Variants in CHAT observed in about 807,000 individuals in gnomAD.
CHAT encodes the protein acetyl CoA:choline O-acetyltransferase.
Under a neutral mutation model 76.9 loss-of-function variants are expected in CHAT, and 61 were observed. The ratio of observed to expected loss-of-function variants is 0.79; its 90% CI spans 0.65 to 0.98. The LOEUF (loss-of-function observed/expected upper bound fraction) is 0.98. CHAT is among the 50% of genes least tolerant of loss of function. CHAT has a pLI of 0.00. For missense variants in CHAT, 946 were observed against 986.9 expected (o/e 0.96, Z 0.56); for synonymous variants, 407 against 397.4 (o/e 1.02, Z -0.29).
At chr10:49,654,640 C>T (rs1839977704) in intron 11 of CHAT, among the ~76,000 whole-genome samples, 1 of 152,220 alleles carries the variant, frequency 6.6e-6, no homozygotes, top group Non-Finnish European at 1.5e-5. Context: ...CCTGGACAGC[C>T]GTTTACGCTT....
intron 7 of CHAT, among the ~76,000 whole-genome samples, chr10:49,631,913 G>A (rs1458670851): frequency 6.6e-6 from 1 of 151,730 alleles, no homozygotes; most frequent in East Asian, 1.9e-4. Context: ...ATTCATGATG[G>A]GGACCTAGGA....
chr10:49,655,257 C>A, intron 12 of CHAT, 21 bp downstream of exon 12: 1 of 1,614,004 alleles, frequency 6.2e-7, no homozygotes, highest in Non-Finnish European at 8.5e-7. Context: ...CCCCACCCCA[C>A]GGCCACAGGA....
chr10:49,613,022 C>G (rs764247733), upstream of CHAT: 1 of 152,442 alleles, frequency 6.6e-6, no homozygotes, highest in Non-Finnish European at 1.5e-5. Flanking sequence ...CAGCTAGGCA[C>G]GCCAGGCCCC....
chr10:49,649,566 C>T lies in CHAT; in HGVS notation c.1441C>T (p.Arg481Trp), dbSNP rs751583653. 17 of 1,613,798 alleles carry T rather than the reference C, an allele frequency of 1.1e-5. No individual in the cohort carries two copies. The highest frequency in any genetic ancestry group is 5.0e-5 in the Admixed American group (3 of 60,008). The change falls in exon 10 of 15, where the codon CGG becomes TGG. Residue 481 changes from arginine to tryptophan, a missense_variant. By Grantham distance (101) the Arg-to-Trp change is moderately radical (BLOSUM62 -3). Coordinates refer to ENST00000337653, the MANE Select transcript of CHAT (RefSeq NM_020549.5). Reference sequence around the variant, plus strand: ...CTCCGTCAGCGAGCTCCCCGCCCCCCGGAGGCTGCGGTGGAAATGCTCCCC... The same window carrying T: ...CTCCGTCAGCGAGCTCCCCGCCCCCTGGAGGCTGCGGTGGAAATGCTCCCC... Reference protein sequence around the residue: ...ADSVSELPAPRRLRWKCSPEI... With the variant: ...ADSVSELPAPWRLRWKCSPEI...
rs779724822 is a variant in CHAT, at chr10:49,646,623, C to A, written c.1230C>A (p.Gly410=). 4 of 1,614,082 alleles carry A rather than the reference C, an allele frequency of 2.5e-6. No homozygotes were observed. In the Admixed American group the frequency reaches 6.7e-5, roughly 27 times the overall value. The change falls in exon 8 of 15, where the codon GGC becomes GGA. Residue 410 remains glycine (G), a synonymous_variant. Transcript: ENST00000337653. ...ACAGGGCACTCCAGCTCCTTCACGG[C>A]GGAGGCTACAGCAAGAACGGGGCCA... The part of the protein sequence containing the change: ...DTHRALQLLH[G]GGYSKNGANR...
At chr10:49,627,006 C>T (rs1422110469) in intron 6 of CHAT, among the ~76,000 whole-genome samples, 1 of 152,206 alleles carries the variant, frequency 6.6e-6, no homozygotes, top group African/African-American at 2.4e-5. Context: ...TTTTTTTCCT[C>T]CACTCACCAG....
In CHAT at chr10:49,614,440, C is replaced by A; in HGVS notation, c.251C>A (p.Ala84Glu). The change falls in exon 1 of 15, where the codon GCA (alanine) becomes GAA (glutamate). Residue 84 changes from alanine (A) to glutamate (E), a missense_variant. Ala to Glu is a moderately radical substitution (Grantham distance 107). Around this residue, in one of 3 missense-constraint regions of CHAT, gnomAD observed 548 missense variants for 516.2 expected, o/e 1.06. Coordinates refer to ENST00000337653, the MANE Select transcript of CHAT (RefSeq NM_020549.5). ...TPAHTPEWCG[A>E]ASAEAAEPRR... ...GCCCACACTCCTGAGTGGTGCGGTGCAGCGTCGGCCGAGGCAGCAGAGCCG... is the reference window on the plus strand; with the variant it reads ...GCCCACACTCCTGAGTGGTGCGGTGAAGCGTCGGCCGAGGCAGCAGAGCCG... The A allele has an allele frequency of 6.5e-7, 1 of 1,547,778 alleles. No individual in the cohort carries two copies. The highest frequency in any genetic ancestry group is 2.4e-5 in the East Asian group (1 of 40,968).
chr10:49,635,893 C>T (rs1839279380), intron 7 of CHAT, among the ~76,000 whole-genome samples: 1 of 152,108 alleles, frequency 6.6e-6, no homozygotes, highest in Admixed American at 6.5e-5. Context: ...TCTTACCACT[C>T]TGTTTAACAC....
chr10:49,649,665 G>C, intron 10 of CHAT, 29 bp downstream of exon 10: 5 of 1,612,990 alleles, frequency 3.1e-6, no homozygotes, highest in Non-Finnish European at 4.2e-6. Flanking sequence ...TCCTTTGAGG[G>C]GTCCCCTAGG....
chr10:49,661,174 C>A (rs545958381), intron 13 of CHAT: 1 of 152,286 alleles, frequency 6.6e-6, no homozygotes, highest in South Asian at 2.1e-4. Flanking sequence ...GAATGAAAGA[C>A]TGAATTATAA....
rs190152837 is a variant in CHAT at position 49,623,203 on chromosome 10, G to A, written c.752+1053G>A. ...CCAGAACTCGCCCCTCCAGCTCACC[G>A]TCCTGTCTGTTTTCAAACACCATTG... On this transcript the variant is annotated intron_variant, in intron 5 of 14. Coordinates refer to ENST00000337653, the MANE Select transcript of CHAT (RefSeq NM_020549.5). 3.3e-4 allele frequency among the ~76,000 whole-genome samples: 50 copies of A among 152,184 alleles called. No homozygotes were observed. The South Asian group carries it at 4.6e-3, about 14-fold the overall frequency.
chr10:49,655,557 C>G (rs1840010086), intron 13 of CHAT, 109 bp downstream of exon 13: 6 of 1,041,918 alleles, frequency 5.8e-6, no homozygotes, highest in Non-Finnish European at 7.5e-6. Context: ...CCACCTGTTA[C>G]TCGGGGACTT....
At position 49,651,623 on chromosome 10, in the gene CHAT, C is replaced by A. The variant is rs191911441; in HGVS notation, c.1512-261C>A. 2,189 of 473,608 alleles carry A rather than the reference C, an allele frequency of 4.6e-3. 10 individuals carry two copies. The highest frequency in any genetic ancestry group is 6.3e-3 in the Non-Finnish European group (1,636 of 258,420). 29.3% of individuals were successfully genotyped at this position (473,608 alleles called of 1,614,324 possible). A position where few individuals can be genotyped will look rare whatever the true frequency, so the allele number is the denominator to read the frequency against. ...TAACACAGCCAGGCCCACCTCCCCA[C>A]CCACTCTCCAGAGCAGGGCCGACAC... On this transcript the variant is annotated intron_variant, in intron 10 of 14. Coordinates refer to ENST00000337653, the MANE Select transcript of CHAT (RefSeq NM_020549.5).
chr10:49,628,262 T>G lies in CHAT; in HGVS notation c.1111+477T>G, dbSNP rs543596082. ...CCCTTATCTTGTGGCACTGTTCTGA[T>G]GAAAGTCTCCAAGCATTCCCATAAG... On this transcript the variant is annotated intron_variant, in intron 7 of 14. Transcript: ENST00000337653. Among the ~76,000 whole-genome samples the G allele has an allele frequency of 1.6e-4, 24 of 152,282 alleles. No individual in the cohort carries two copies. In the South Asian group the frequency reaches 5.0e-3, roughly 32 times the overall value.
At chr10:49,618,820 G>T (rs1172973295) in intron 2 of CHAT, among the ~76,000 whole-genome samples, 2 of 152,308 alleles carry the variant, frequency 1.3e-5, no homozygotes, top group South Asian at 2.1e-4. Flanking sequence ...GAATTCCTCT[G>T]GAAGTATAAG....
At chr10:49,611,060 C>A (rs776937045), upstream of CHAT, 13 of 1,614,050 alleles carry the variant, frequency 8.1e-6, no homozygotes, top group South Asian at 1.1e-4. Context: ...GCGTGGCCAG[C>A]GGGCTCAGCC....
upstream of CHAT, chr10:49,611,521 G>A (rs139732053): frequency 6.2e-7 from 1 of 1,601,946 alleles, no homozygotes; most frequent in Non-Finnish European, 8.5e-7. Flanking sequence ...GTTGCTGCTG[G>A]CAGTGGCCAA....
chr10:49,611,998 G>A (rs1270138469), upstream of CHAT: 2 of 1,613,632 alleles, frequency 1.2e-6, no homozygotes, highest in Non-Finnish European at 1.7e-6. Flanking sequence ...CTATGGCAGC[G>A]TCTACGCCAT....
intron 7 of CHAT, among the ~76,000 whole-genome samples, chr10:49,633,977 T>C (rs1839212690): frequency 6.6e-6 from 1 of 152,302 alleles, no homozygotes; most frequent in Non-Finnish European, 1.5e-5. Flanking sequence ...TATTTACGTA[T>C]CGTCATCCAG....
Sources: gnomAD v4.1 joint callset for allele counts (sites outside exome capture counted in the v4.1 genomes callset) on GRCh38, gnomAD v4.1.1 for gene constraint, gnomAD v4.1.1 regional missense constraint, MANE v1.5 for transcripts, NCBI Gene and HGNC (gene_info 2026-07-23, HGNC 2026-07-21) for gene names.